The following UBA6 variants were observed in gnomAD, a reference collection of about 807,000 sequenced individuals.
UBA6 encodes ubiquitin-like modifier-activating enzyme 6.
Under a neutral mutation model 148.3 loss-of-function variants are expected in UBA6, and 87 were observed. The ratio of observed to expected loss-of-function variants is 0.59; its 90% CI spans 0.49 to 0.70. UBA6 has a LOEUF of 0.70. Among genes scored for constraint, UBA6 ranks in the 30% least tolerant of loss-of-function variants. The pLI is 0.00. For missense variants in UBA6, 1,186 were observed against 1,241.2 expected (o/e 0.96, Z 0.67); for synonymous variants, 376 against 401.0 (o/e 0.94, Z 0.75).
At chr4:67,650,251 T>A (rs1279363037) in intron 13 of UBA6, among the ~76,000 whole-genome samples, 1 of 152,146 alleles carries the variant, frequency 6.6e-6, no homozygotes, top group Non-Finnish European at 1.5e-5. Context: ...TTCAAAATAA[T>A]CCTTATAAAT....
chr4:67,662,364 T>C (rs1729881808), intron 12 of UBA6, 109 bp from the exon 13 acceptor site: 1 of 887,094 alleles, frequency 1.1e-6, no homozygotes. Context: ...GTGGGATTTT[T>C]GCCAACAGGT....
At chr4:67,658,138 C>T (rs1325777269) in intron 13 of UBA6, among the ~76,000 whole-genome samples, 1 of 152,138 alleles carries the variant, frequency 6.6e-6, no homozygotes, top group East Asian at 1.9e-4. Context: ...TGTGGCAATT[C>T]CTCAAGGATC....
intron 26 of UBA6, 26 bp downstream of exon 26, chr4:67,630,440 T>A: frequency 6.5e-7 from 1 of 1,537,010 alleles, no homozygotes; most frequent in Non-Finnish European, 8.8e-7. Flanking sequence ...TTTGCATCAC[T>A]TGCTAAGGCT....
Position 67,682,228 on chromosome 4 carries a change from C to A in UBA6, c.135-15G>T, listed in dbSNP as rs756794383. ...ACCTCTGTCGACTACACGGAAAACA[C>A]AATAAAAAACAAAAAATTATTTCAC... On this transcript the variant is annotated splice_polypyrimidine_tract_variant and intron_variant, in intron 2 of 32. Coordinates refer to ENST00000322244, the MANE Select transcript of UBA6 (RefSeq NM_018227.6). 5.9e-5 allele frequency: 93 copies of A among 1,583,314 alleles called. No individual in the cohort carries two copies. Among genetic ancestry groups the A allele is most frequent in the Non-Finnish European group, 7.0e-5 (81 of 1,156,578 alleles).
At chr4:67,676,009 ATAG>A in intron 6 of UBA6, among the ~76,000 whole-genome samples, 1 of 142,466 alleles carries the variant, frequency 7.0e-6, no homozygotes, top group African/African-American at 2.6e-5. Context: ...TATGGCCATT[ATAG>A]TACTACCTTT....
intron 2 of UBA6, among the ~76,000 whole-genome samples, chr4:67,696,402 T>A (rs1246297184): frequency 6.7e-6 from 1 of 148,184 alleles, no homozygotes; most frequent in African/African-American, 2.4e-5. Context: ...TGTGTGTATA[T>A]ATACACACAC....
chr4:67,633,214 T>C (rs1729041887), intron 23 of UBA6, 131 bp downstream of exon 23: 1 of 761,836 alleles, frequency 1.3e-6, no homozygotes, highest in Admixed American at 2.9e-5. Flanking sequence ...TGTTCTCATT[T>C]AACTTACTAC....
At chr4:67,657,425 A>C (rs1234780339) in intron 13 of UBA6, among the ~76,000 whole-genome samples, 2 of 152,234 alleles carry the variant, frequency 1.3e-5, no homozygotes, top group East Asian at 3.8e-4. Flanking sequence ...AAAAACAAGA[A>C]ATGGGGAAAG....
intron 20 of UBA6, among the ~76,000 whole-genome samples, chr4:67,635,240 A>G (rs1729109805): frequency 6.6e-6 from 1 of 152,148 alleles, no homozygotes; most frequent in South Asian, 2.1e-4. Context: ...TAAATAGTAA[A>G]CAGAAGAATA....
rs1305968797 is a variant in UBA6 at position 67,615,312 on chromosome 4, T to A, written c.*3685A>T. The A allele has an allele frequency of 6.6e-6, 1 of 152,284 alleles. No individual in the cohort carries two copies. The highest frequency in any genetic ancestry group is 6.6e-5 in the Admixed American group (1 of 15,266). The allele number at this position is 152,284 out of a possible 1,614,324, so 9.4% of individuals were successfully genotyped here. ...TTTCTCTCTTGCTCCTCTAGCCATGTGATACGCCAGTTCCTCCTTTGCCTT... is the reference window on the plus strand; with the variant it reads ...TTTCTCTCTTGCTCCTCTAGCCATGAGATACGCCAGTTCCTCCTTTGCCTT... On this transcript the variant is annotated 3_prime_UTR_variant, in exon 33 of 33. Transcript: ENST00000322244.
At chr4:67,674,169 A>C (rs1253520965) in intron 6 of UBA6, among the ~76,000 whole-genome samples, 1 of 152,218 alleles carries the variant, frequency 6.6e-6, no homozygotes, top group Non-Finnish European at 1.5e-5. Flanking sequence ...AACATTTTTA[A>C]GAGACACATT....
rs936211905 is a variant in UBA6, at chr4:67,613,026, G to C, written c.*5971C>G. 6.6e-6 allele frequency: 1 copy of C among 152,200 alleles called. No homozygotes were observed. The highest frequency in any genetic ancestry group is 2.1e-4 in the South Asian group (1 of 4,830). The allele number at this position is 152,200 out of a possible 1,614,324, so 9.4% of individuals were successfully genotyped here. A position where few individuals can be genotyped will look rare whatever the true frequency, so the allele number is the denominator to read the frequency against. On this transcript the variant is annotated 3_prime_UTR_variant, in exon 33 of 33. Transcript: ENST00000322244. ...AAAAGAGTCCAGGGTCAGTGAAGAG[G>C]TAAGGGCCTGGTAACTCCAAACCAT... is the stretch of plus-strand genomic sequence containing the variant.
intron 9 of UBA6, among the ~76,000 whole-genome samples, chr4:67,667,572 T>C (rs1730036892): frequency 6.6e-6 from 1 of 152,216 alleles, no homozygotes; most frequent in Non-Finnish European, 1.5e-5. Context: ...AATACAGTTA[T>C]ATTTTCAAAT....
chr4:67,637,209 G>A (rs1157472716), intron 19 of UBA6, among the ~76,000 whole-genome samples: 2 of 149,932 alleles, frequency 1.3e-5, no homozygotes, highest in African/African-American at 4.9e-5. Context: ...CAGCCGCCCC[G>A]TCCGGGAGGG....
At chr4:67,675,528 C>T (rs932901528) in intron 6 of UBA6, among the ~76,000 whole-genome samples, 2 of 152,186 alleles carry the variant, frequency 1.3e-5, no homozygotes, top group African/African-American at 2.4e-5. Context: ...GTCAGAAGTT[C>T]GAGACCAGCC....
intron 13 of UBA6, among the ~76,000 whole-genome samples, chr4:67,658,320 T>G (rs1438487523): frequency 2.0e-5 from 3 of 152,180 alleles, no homozygotes; most frequent in African/African-American, 7.2e-5. Flanking sequence ...GAAACAAAGA[T>G]ATATGTCCAC....
At chr4:67,665,446 TA>T (rs1553908345) in intron 9 of UBA6, among the ~76,000 whole-genome samples, 154 bp from the exon 10 acceptor site, 1 of 149,248 alleles carries the variant, frequency 6.7e-6, no homozygotes, top group Non-Finnish European at 1.5e-5. Flanking sequence ...TTTTTTTTTT[TA>T]ATGAAGAGCT....
In UBA6 at chr4:67,670,464, T is replaced by C; in HGVS notation, c.669+6A>G. On this transcript the variant is annotated splice_donor_region_variant and intron_variant, in intron 8 of 32. Transcript: ENST00000322244. ...TTATTTTAAAAGTTCATTAATATAA[T>C]CATACTTGCGTTATGTTTGAAATGA... 1.3e-6 allele frequency: 2 copies of C among 1,560,466 alleles called. No homozygotes were observed. The highest frequency in any genetic ancestry group is 1.8e-6 in the Non-Finnish European group (2 of 1,138,266).
chr4:67,625,378 G>C (rs765728841), intron 28 of UBA6, among the ~76,000 whole-genome samples, 191 bp from the exon 29 acceptor site: 1 of 148,274 alleles, frequency 6.7e-6, no homozygotes, highest in Non-Finnish European at 1.5e-5. Context: ...TGATTAAAGA[G>C]AGCCAATTTT....
Sources: allele counts gnomAD v4.1 joint callset (sites outside exome capture counted in the v4.1 genomes callset), GRCh38; gene constraint gnomAD v4.1.1; transcripts MANE v1.5; gene names NCBI Gene and HGNC (gene_info 2026-07-23, HGNC 2026-07-21).